Variants in STIMATE observed in about 807,000 individuals in gnomAD.
STIMATE encodes store-operated calcium entry regulator STIMATE.
In STIMATE, 15 loss-of-function variants were observed where a neutral mutation model predicts 36.7. The observed-to-expected ratio is 0.41, with a 90% CI of 0.27 to 0.63. The LOEUF is 0.63. STIMATE is among the 20% of genes least tolerant of loss of function. The pLI is 0.32. For missense variants in STIMATE, 305 were observed against 397.3 expected (o/e 0.77, Z 1.98); for synonymous variants, 163 against 162.3 (o/e 1.00, Z -0.03).
intron 1 of STIMATE, among the ~76,000 whole-genome samples, chr3:52,857,849 C>G (rs531803224): frequency 6.6e-5 from 10 of 151,982 alleles, no homozygotes; most frequent in African/African-American, 2.4e-4. Flanking sequence ...TGTTGAAGTC[C>G]AAACCCACAG....
At chr3:52,886,880 G>C (rs1234976576) in intron 1 of STIMATE, among the ~76,000 whole-genome samples, 1 of 152,216 alleles carries the variant, frequency 6.6e-6, no homozygotes, top group Non-Finnish European at 1.5e-5. Context: ...GCAGCAGCCT[G>C]CCAAAAACAT....
At position 52,860,463 on chromosome 3, in the gene STIMATE, A is replaced by G. The variant is rs373374541; in HGVS notation, c.161-5019T>C. Among the ~76,000 whole-genome samples, 16 of 151,178 alleles carry G rather than the reference A, an allele frequency of 1.1e-4. No individual in the cohort carries two copies. The South Asian group carries it at 4.2e-3, about 40-fold the overall frequency. ...CAGAGGGCTGGAGGACAGCAGGCAG[A>G]ACAGCAGGGCGTGCGGGAGAGGCAG... On this transcript the variant is annotated intron_variant, in intron 1 of 7. Coordinates refer to ENST00000355083, the MANE Select transcript of STIMATE (RefSeq NM_198563.5).
chr3:52,843,864 G>C lies in STIMATE; in HGVS notation c.541-66C>G, dbSNP rs1700850931. 40 of 1,576,566 alleles carry C rather than the reference G, an allele frequency of 2.5e-5. 1 individual carries two copies. The South Asian group carries it at 4.3e-4, about 17-fold the overall frequency. On this transcript the variant is annotated intron_variant, in intron 5 of 7. Coordinates refer to ENST00000355083, the MANE Select transcript of STIMATE (RefSeq NM_198563.5). ...CCGAGAGTGTGCCTGGGGTGGGTGG[G>C]TGGTACCCATAGGCCCTGAGGGAGC...
Position 52,840,286 on chromosome 3 carries a change from C to T in STIMATE, c.*208G>A. 1 of 529,248 alleles carries T rather than the reference C, an allele frequency of 1.9e-6. No individual in the cohort carries two copies. Among genetic ancestry groups the T allele is most frequent in the Non-Finnish European group, 3.3e-6 (1 of 300,164 alleles). 32.8% of individuals were successfully genotyped at this position (529,248 alleles called of 1,614,324 possible). A position where few individuals can be genotyped will look rare whatever the true frequency, so the allele number is the denominator to read the frequency against. On this transcript the variant is annotated 3_prime_UTR_variant, in exon 8 of 8. Transcript: ENST00000355083. ...TGTAGTGCAACTGAATGGGGACCTC[C>T]AGCCGCCAGTGGCCCCCTCGGGCGC... is the stretch of plus-strand genomic sequence containing the variant.
At chr3:52,881,811 AAATATACCT>A (rs1246409837) in intron 1 of STIMATE, among the ~76,000 whole-genome samples, 1 of 152,262 alleles carries the variant, frequency 6.6e-6, no homozygotes, top group Admixed American at 6.5e-5. Flanking sequence ...CCCAATAGAT[AAATATACCT>A]GAATCAGTCT....
At chr3:52,867,986 T>C (rs1021466632) in intron 1 of STIMATE, among the ~76,000 whole-genome samples, 17 of 152,112 alleles carry the variant, frequency 1.1e-4, no homozygotes, top group Non-Finnish European at 2.4e-4. Flanking sequence ...CTTGACCAGG[T>C]CTCCAGTGCT....
chr3:52,844,545 C>T (rs564726116), intron 5 of STIMATE, among the ~76,000 whole-genome samples: 21 of 152,346 alleles, frequency 1.4e-4, no homozygotes, highest in African/African-American at 4.3e-4. Context: ...TGTATTGTCG[C>T]AAGGCCTAAA....
chr3:52,883,737 T>G (rs1701647185), intron 1 of STIMATE, among the ~76,000 whole-genome samples: 2 of 152,224 alleles, frequency 1.3e-5, no homozygotes, highest in South Asian at 4.1e-4. Flanking sequence ...GTTCATGAAT[T>G]TTTCAGAAAT....
chr3:52,848,188 C>G (rs1394188385), intron 4 of STIMATE: 1 of 152,546 alleles, frequency 6.6e-6, no homozygotes, highest in Non-Finnish European at 1.5e-5. Flanking sequence ...ACTGAGCAGA[C>G]AAGCTATCCT....
chr3:52,874,018 T>C (rs992460045), intron 1 of STIMATE, among the ~76,000 whole-genome samples: 1 of 152,256 alleles, frequency 6.6e-6, no homozygotes, highest in African/African-American at 2.4e-5. Context: ...TATTTTGGCA[T>C]ATCTATCACG....
At chr3:52,853,577 A>G (rs1239087785) in intron 2 of STIMATE, among the ~76,000 whole-genome samples, 3 of 152,164 alleles carry the variant, frequency 2.0e-5, no homozygotes. Context: ...CTGGAAAATC[A>G]TTCCCTAGAC....
chr3:52,875,903 C>T (rs1202213665), intron 1 of STIMATE, among the ~76,000 whole-genome samples: 6 of 152,228 alleles, frequency 3.9e-5, no homozygotes, highest in Non-Finnish European at 8.8e-5. Context: ...CTGAGAGGTA[C>T]CCATGAGCAG....
intron 1 of STIMATE, among the ~76,000 whole-genome samples, chr3:52,865,092 G>A (rs545923460): frequency 2.2e-4 from 34 of 151,978 alleles, no homozygotes; most frequent in Admixed American, 5.2e-4. Flanking sequence ...GACTACAGGC[G>A]CCTGCCACCA....
intron 2 of STIMATE, among the ~76,000 whole-genome samples, chr3:52,853,552 AC>A (rs1302916942): frequency 1.3e-5 from 2 of 152,130 alleles, no homozygotes; most frequent in Non-Finnish European, 2.9e-5. Context: ...ATCCAGACCA[AC>A]CCAGCGACGG....
intron 6 of STIMATE, 32 bp from the exon 7 acceptor site, chr3:52,842,992 G>T (rs1415234140): frequency 6.2e-7 from 1 of 1,613,454 alleles, no homozygotes; most frequent in Admixed American, 1.7e-5. Flanking sequence ...GTTACTTTGG[G>T]ATAAACCATT....
At chr3:52,852,290 C>T (rs1701014964) in intron 3 of STIMATE, among the ~76,000 whole-genome samples, 1 of 152,202 alleles carries the variant, frequency 6.6e-6, no homozygotes, top group Non-Finnish European at 1.5e-5. Context: ...CATTATCCTT[C>T]CTTGCCAGGG....
chr3:52,843,554 G>C (rs562391642), intron 6 of STIMATE, among the ~76,000 whole-genome samples, 167 bp downstream of exon 6: 77 of 152,286 alleles, frequency 5.1e-4, no homozygotes, highest in Admixed American at 4.2e-3. Flanking sequence ...CCTGCCTTTT[G>C]AGGGGGTAAT....
intron 1 of STIMATE, among the ~76,000 whole-genome samples, chr3:52,890,881 G>GC (rs377007660): frequency 2.4e-4 from 37 of 152,268 alleles, no homozygotes; most frequent in African/African-American, 7.9e-4. Context: ...CTGGGGTAGG[G>GC]CGGGGGTGCC....
At position 52,852,641 on chromosome 3, in the gene STIMATE, T is replaced by C. The variant is rs200750769; in HGVS notation, c.267A>G (p.Val89=). The change falls in exon 3 of 8, where the codon GTA becomes GTG. Residue 89 remains valine, a synonymous_variant. Coordinates refer to ENST00000355083, the MANE Select transcript of STIMATE (RefSeq NM_198563.5). ...CCTCTTCAGTGAGATCTGCTAGGTA[T>C]ACATTTGCAAAGTGGATGAACAGCA... ...IGMLFIHFAN[V]YLADLTEEDP... 4 of 1,614,216 alleles carry C rather than the reference T, an allele frequency of 2.5e-6. No individual in the cohort carries two copies. The highest frequency in any genetic ancestry group is 2.5e-6 in the Non-Finnish European group (3 of 1,180,036).
Sources: gnomAD v4.1 joint callset for allele counts (sites outside exome capture counted in the v4.1 genomes callset) on GRCh38, gnomAD v4.1.1 for gene constraint, MANE v1.5 for transcripts, NCBI Gene and HGNC (gene_info 2026-07-23, HGNC 2026-07-21) for gene names.